Variants in HLCS observed in about 807,000 individuals in gnomAD.
HLCS encodes holocarboxylase synthetase, also known as biotin--protein ligase.
HLCS carries 53 observed loss-of-function variants against 75.0 expected under a neutral mutation model. That is an observed-to-expected ratio of 0.71 (90% CI 0.57 to 0.89). The LOEUF is 0.89. Ranked by LOEUF, HLCS falls within the 40% of genes least tolerant of loss-of-function variation. The pLI is 0.00. For missense variants in HLCS, 966 were observed against 1,074.0 expected, an observed-to-expected ratio of 0.90 and a Z score of 1.41; for synonymous variants, 431 against 428.6, an observed-to-expected ratio of 1.01 and a Z score of -0.07.
In HLCS at chr21:36,813,715, A is replaced by G. The variant is rs574848746; in HGVS notation, c.1893-46430T>C. Among the ~76,000 whole-genome samples the G allele has an allele frequency of 1.5e-4, 23 of 152,302 alleles. 1 individual carries two copies. The highest frequency in any genetic ancestry group is 4.8e-4 in the African/African-American group (20 of 41,562). ...GTCACGGCAAATGTTGAAACCTTAA[A>G]TCTGAGTTTCATTGCTTTGGGGCAT... is the stretch of plus-strand genomic sequence containing the variant. On this transcript the variant is annotated intron_variant, in intron 6 of 10. Transcript: ENST00000674895.
chr21:36,962,145 G>T lies in HLCS; in HGVS notation c.221C>A (p.Ala74Asp). ...SQSIEDLNKW[A>D]LFLVSPFILE... ...TATAAAAGGAGACACAAGAAATAGG[G>T]CCCACTTGTTCAAGTCTTCAATGGA... The change falls in exon 2 of 11, where the codon GCC becomes GAC. Residue 74 changes from alanine (A) to aspartate (D), a missense_variant. Transcript: ENST00000674895. The T allele has an allele frequency of 7.8e-7, 1 of 1,288,466 alleles. No homozygotes were observed. Among genetic ancestry groups the T allele is most frequent in the Non-Finnish European group, 1.0e-6 (1 of 987,810 alleles). The allele number at this position is 1,288,466 out of a possible 1,614,324, so 79.8% of individuals were successfully genotyped here.
At chr21:36,826,982 A>G (rs540673010) in intron 6 of HLCS, among the ~76,000 whole-genome samples, 1 of 152,306 alleles carries the variant, frequency 6.6e-6, no homozygotes, top group South Asian at 2.1e-4. Flanking sequence ...GAGCAGAAAA[A>G]AAGGAGTCAC....
At chr21:36,803,241 T>C (rs1177432291) in intron 6 of HLCS, among the ~76,000 whole-genome samples, 1 of 152,216 alleles carries the variant, frequency 6.6e-6, no homozygotes, top group African/African-American at 2.4e-5. Flanking sequence ...AGGAGGCTCA[T>C]GGCACAGTCT....
At chr21:36,954,695 G>T (rs1191777028) in intron 2 of HLCS, among the ~76,000 whole-genome samples, 1 of 152,050 alleles carries the variant, frequency 6.6e-6, no homozygotes, top group Non-Finnish European at 1.5e-5. Flanking sequence ...ACTGGTTTAT[G>T]TGTTTTCTAT....
rs1216817720 is a variant in HLCS at position 36,882,106 on chromosome 21, C to T, written c.1892+14754G>A. Among the ~76,000 whole-genome samples, 6 of 151,954 alleles carry T rather than the reference C, an allele frequency of 3.9e-5. No homozygotes were observed. In the South Asian group the frequency reaches 1.2e-3, roughly 32 times the overall value. On this transcript the variant is annotated intron_variant, in intron 6 of 10. Transcript: ENST00000674895. ...GATCATCCTGGCTAACACGGTGAAA[C>T]CCCGTCTCTACTAAAAATACAAAAA...
chr21:36,943,119 G>A (rs2067224963), intron 2 of HLCS: 1 of 152,112 alleles, frequency 6.6e-6, no homozygotes, highest in Admixed American at 6.6e-5. Context: ...TACACTGCTG[G>A]TAGAAATTAA....
chr21:36,938,793 T>C (rs760603587), intron 3 of HLCS, 39 bp downstream of exon 3: 2 of 1,601,630 alleles, frequency 1.2e-6, no homozygotes, highest in East Asian at 4.5e-5. Context: ...CATGAGCCAC[T>C]ATGCCTGGCC....
chr21:36,899,692 A>T lies in HLCS; in HGVS notation c.1621-2561T>A, dbSNP rs562123567. 5.7e-4 allele frequency among the ~76,000 whole-genome samples: 87 copies of T among 152,338 alleles called. 1 individual carries two copies. In the South Asian group the frequency reaches 0.011, roughly 20 times the overall value. On this transcript the variant is annotated intron_variant, in intron 5 of 10. Coordinates refer to ENST00000674895, the MANE Select transcript of HLCS (RefSeq NM_001352514.2). ...TATTCCCTCTGTCATCCATTCAACA[A>T]ATGTTACGGGATATCTCCCATATGG... is the stretch of plus-strand genomic sequence containing the variant.
At chr21:36,895,095 G>A (rs1443194692) in intron 6 of HLCS, among the ~76,000 whole-genome samples, 2 of 151,930 alleles carry the variant, frequency 1.3e-5, no homozygotes, top group Non-Finnish European at 2.9e-5. Flanking sequence ...GCCTGGCCAC[G>A]AGCTCCAGGA....
chr21:36,806,049 C>A (rs2061350515), intron 6 of HLCS: 1 of 152,170 alleles, frequency 6.6e-6, no homozygotes, highest in African/African-American at 2.4e-5. Context: ...GGGATTCTTT[C>A]CCTGAAGCTC....
chr21:36,851,970 G>C (rs919585630), intron 6 of HLCS: 1 of 152,286 alleles, frequency 6.6e-6, no homozygotes, highest in African/African-American at 2.4e-5. Context: ...GCTAAGCGGG[G>C]TTGGGCCTGG....
At chr21:36,781,127 G>A (rs895912196) in intron 6 of HLCS, among the ~76,000 whole-genome samples, 2 of 152,098 alleles carry the variant, frequency 1.3e-5, no homozygotes, top group Admixed American at 1.3e-4. Context: ...GCATGCAAGG[G>A]ATCTAGGTTG....
chr21:36,947,245 C>G, intron 2 of HLCS: 1 of 625,834 alleles, frequency 1.6e-6, no homozygotes, highest in Non-Finnish European at 2.0e-6. Context: ...AGGAGATAAA[C>G]AAAGGAAGAG....
chr21:36,785,057 G>A (rs987991337), intron 6 of HLCS, among the ~76,000 whole-genome samples: 8 of 152,122 alleles, frequency 5.3e-5, no homozygotes, highest in African/African-American at 1.7e-4. Flanking sequence ...CCCAGGTACC[G>A]TCGCCTTCGG....
chr21:36,812,075 T>G (rs1256910814), intron 6 of HLCS, among the ~76,000 whole-genome samples: 3 of 152,196 alleles, frequency 2.0e-5, no homozygotes. Flanking sequence ...ATGATCATTC[T>G]GCTCAACAAG....
At chr21:36,926,321 C>T (rs1300437349) in intron 5 of HLCS, among the ~76,000 whole-genome samples, 1 of 152,200 alleles carries the variant, frequency 6.6e-6, no homozygotes, top group Non-Finnish European at 1.5e-5. Flanking sequence ...ACAGTTAACC[C>T]TGGAAGTCAC....
intron 1 of HLCS, among the ~76,000 whole-genome samples, chr21:36,981,431 C>T (rs1282299039): frequency 8.0e-6 from 1 of 125,228 alleles, no homozygotes; most frequent in Admixed American, 8.8e-5. Flanking sequence ...GACGGAGTCT[C>T]ACTCTGTCAC....
intron 6 of HLCS, among the ~76,000 whole-genome samples, chr21:36,888,432 TAAA>T (rs1191691491): frequency 0.024 from 563 of 23,594 alleles, 3 homozygotes; most frequent in South Asian, 0.032. Context: ...CCTTCCCATT[TAAA>T]AAAAAAAAAA....
chr21:36,838,895 G>A (rs1466003655), intron 6 of HLCS, among the ~76,000 whole-genome samples: 1 of 152,194 alleles, frequency 6.6e-6, no homozygotes, highest in African/African-American at 2.4e-5. Context: ...GTGTGGCCCT[G>A]CTGACACCTT....
Sources: allele counts gnomAD v4.1 joint callset (sites outside exome capture counted in the v4.1 genomes callset), GRCh38; gene constraint gnomAD v4.1.1; transcripts MANE v1.5; gene names NCBI Gene and HGNC (gene_info 2026-07-23, HGNC 2026-07-21).